The following SYNE1 variants were observed in gnomAD, a reference collection of about 807,000 sequenced individuals.
SYNE1 encodes the protein nesprin-1.
A neutral mutation model predicts 1,111.0 loss-of-function variants in SYNE1; 616 were observed. That is an observed-to-expected ratio of 0.55 (90% CI 0.52 to 0.59). The LOEUF (loss-of-function observed/expected upper bound fraction) is 0.59, where lower values mean the gene tolerates loss of function less well. Among genes scored for constraint, SYNE1 ranks in the 20% least tolerant of loss-of-function variants. SYNE1 has a pLI of 0.00. For missense variants in SYNE1, 10,006 were observed against 10,417.0 expected, an observed-to-expected ratio of 0.96 and a Z score of 1.72; for synonymous variants, 3,855 against 3,825.8, an observed-to-expected ratio of 1.01 and a Z score of -0.28.
chr6:152,303,039 T>G lies in SYNE1; in HGVS notation c.17347-976A>C, dbSNP rs143279549. Among the ~76,000 whole-genome samples, 423 of 152,062 alleles carry G rather than the reference T, an allele frequency of 2.8e-3. 2 individuals carry two copies. Among genetic ancestry groups the G allele is most frequent in the African/African-American group, 9.8e-3 (405 of 41,514 alleles). ...TATTAAAATTATACTTTATTGCATCTTTAAAAAACGAAAATACATATTTCA... is the reference window on the plus strand; with the variant it reads ...TATTAAAATTATACTTTATTGCATCGTTAAAAAACGAAAATACATATTTCA... On this transcript the variant is annotated intron_variant, in intron 91 of 145. Coordinates refer to ENST00000367255, the MANE Select transcript of SYNE1 (RefSeq NM_182961.4).
At chr6:152,242,516 G>A (rs957910636) in intron 106 of SYNE1, 76 bp from the exon 107 acceptor site, 13 of 1,547,176 alleles carry the variant, frequency 8.4e-6, no homozygotes, top group Admixed American at 3.4e-5. Flanking sequence ...AACTATGAAC[G>A]CACCAAGCCC....
chr6:152,376,360 A>T, intron 58 of SYNE1, 21 bp downstream of exon 58: 2 of 1,613,256 alleles, frequency 1.2e-6, no homozygotes, highest in Non-Finnish European at 1.7e-6. Flanking sequence ...TGCTACTAGA[A>T]TTAATTGATA....
intron 91 of SYNE1, among the ~76,000 whole-genome samples, chr6:152,305,318 T>C (rs1225595955): frequency 6.6e-6 from 1 of 152,164 alleles, no homozygotes; most frequent in Non-Finnish European, 1.5e-5. Flanking sequence ...CAGGCTGGAG[T>C]GCAGTGACAC....
chr6:152,633,553 C>G (rs1168092191), intron 2 of SYNE1, among the ~76,000 whole-genome samples: 1 of 152,068 alleles, frequency 6.6e-6, no homozygotes, highest in African/African-American at 2.4e-5. Flanking sequence ...CAATCAATAA[C>G]CATCTGCTGC....
intron 121 of SYNE1, among the ~76,000 whole-genome samples, 156 bp from the exon 122 acceptor site, chr6:152,215,216 A>C (rs1013279744): frequency 6.6e-6 from 1 of 152,226 alleles, no homozygotes; most frequent in African/African-American, 2.4e-5. Flanking sequence ...TCTAGGTACG[A>C]ATAGCGAAAA....
At chr6:152,334,726 C>A (rs6912991) in intron 76 of SYNE1, among the ~76,000 whole-genome samples, 14,156 of 152,304 alleles carry the variant, frequency 0.093, 811 homozygotes, top group Middle Eastern at 0.18. Context: ...AGTCCTGGAT[C>A]TGTCAAGTTC....
intron 12 of SYNE1, among the ~76,000 whole-genome samples, chr6:152,486,236 TA>T (rs545805458): frequency 1.3e-5 from 2 of 150,752 alleles, no homozygotes; most frequent in Non-Finnish European, 3.0e-5. Flanking sequence ...AAAATAAATT[TA>T]AAAAAAAACA....
chr6:152,417,572 C>T (rs1248841981), intron 40 of SYNE1, among the ~76,000 whole-genome samples: 4 of 152,026 alleles, frequency 2.6e-5, no homozygotes, highest in Non-Finnish European at 4.4e-5. Flanking sequence ...AAAAAAATTT[C>T]TTTGTGGATA....
At chr6:152,248,624 G>A (rs2088147092) in intron 105 of SYNE1, among the ~76,000 whole-genome samples, 1 of 152,066 alleles carries the variant, frequency 6.6e-6, no homozygotes, top group Admixed American at 6.6e-5. Flanking sequence ...CTTAAATTCA[G>A]CTAAAATAGA....
In SYNE1 at chr6:152,326,050, A is replaced by G; in HGVS notation, c.15346T>C (p.Leu5116=). 6.2e-7 allele frequency: 1 copy of G among 1,614,210 alleles called. No individual in the cohort carries two copies. Among genetic ancestry groups the G allele is most frequent in the South Asian group, 1.1e-5 (1 of 91,088 alleles). ...AATTTCTTTTCTGTATCATTCATCA[A>G]TTCAATAACCTCTTCCCTTGCTTTC... ...YQKAREEVIE[L]MNDTEKKLSE... is the part of the protein sequence containing the mutation. The change falls in exon 80 of 146, where the codon TTG becomes CTG. Residue 5116 remains leucine (L), a synonymous_variant. Coordinates refer to ENST00000367255, the MANE Select transcript of SYNE1 (RefSeq NM_182961.4).
Position 152,232,105 on chromosome 6 carries a change from A to AT in SYNE1, c.20862+10dup. 6.4e-7 allele frequency: 1 copy of AT among 1,558,264 alleles called. No individual in the cohort carries two copies. The highest frequency in any genetic ancestry group is 8.8e-7 in the Non-Finnish European group (1 of 1,133,010). ...AAATATGAAAAGTTAAAAACAAAAAATTTTAATTACCTTATATTTCTGAAG... is the reference window on the plus strand; with the variant it reads ...AAATATGAAAAGTTAAAAACAAAAAATTTTTAATTACCTTATATTTCTGAAG... On this transcript the variant is annotated intron_variant, in intron 113 of 145. Coordinates refer to ENST00000367255, the MANE Select transcript of SYNE1 (RefSeq NM_182961.4).
At chr6:152,413,561 A>T (rs2098104650) in intron 41 of SYNE1, 30 bp from the exon 42 acceptor site, 4 of 1,608,100 alleles carry the variant, frequency 2.5e-6, no homozygotes, top group Non-Finnish European at 3.4e-6. Flanking sequence ...TTTCCTATTA[A>T]TTTACTAAAG....
chr6:152,125,372 A>G (rs1281790034), intron 145 of SYNE1: 3 of 1,545,014 alleles, frequency 1.9e-6, no homozygotes, highest in Admixed American at 2.0e-5. Flanking sequence ...AAGGCCTCAC[A>G]GTATCCTGCA....
chr6:152,478,804 C>T (rs1045604041), intron 14 of SYNE1, among the ~76,000 whole-genome samples: 3 of 152,040 alleles, frequency 2.0e-5, no homozygotes, highest in South Asian at 2.1e-4. Context: ...TTAGTCATCG[C>T]GCCTGGGGGT....
intron 11 of SYNE1, among the ~76,000 whole-genome samples, chr6:152,497,597 C>T (rs2099006581): frequency 6.6e-6 from 1 of 152,130 alleles, no homozygotes; most frequent in Non-Finnish European, 1.5e-5. Flanking sequence ...TGAAGAGGAG[C>T]TATTTGTTAT....
intron 95 of SYNE1, among the ~76,000 whole-genome samples, chr6:152,289,799 T>C: frequency 6.6e-6 from 1 of 152,262 alleles, no homozygotes. Flanking sequence ...GCTAAGTTTT[T>C]GTATTTTTAG....
intron 128 of SYNE1, among the ~76,000 whole-genome samples, chr6:152,187,106 T>C (rs1003617728): frequency 1.3e-5 from 2 of 152,224 alleles, no homozygotes; most frequent in African/African-American, 4.8e-5. Flanking sequence ...AATGAAGCTT[T>C]GTGAAAGTAG....
In SYNE1 at chr6:152,387,080, C is replaced by T; in HGVS notation, c.8479G>A (p.Val2827Ile). The T allele has an allele frequency of 1.9e-6, 3 of 1,612,500 alleles. No homozygotes were observed. Among genetic ancestry groups the T allele is most frequent in the Non-Finnish European group, 2.5e-6 (3 of 1,178,810 alleles). Residue 2827 changes from valine to isoleucine, a missense_variant, in exon 54 of 146, where the codon GTT (valine) becomes ATT (isoleucine). By Grantham distance (29) the Val-to-Ile change is conservative (BLOSUM62 3). Coordinates refer to ENST00000367255, the MANE Select transcript of SYNE1 (RefSeq NM_182961.4). ...LKTQFNDIMTVAKEKMRKVEE... is the reference protein window; with the variant it reads ...LKTQFNDIMTIAKEKMRKVEE... The stretch of plus-strand genomic sequence containing the variant: ...CAATATAAAGCACTAACCTTGGCAA[C>T]AGTCATTATATCATTAAACTGTGTT...
chr6:152,323,098 G>A (rs1175452084), intron 82 of SYNE1, among the ~76,000 whole-genome samples: 1 of 152,188 alleles, frequency 6.6e-6, no homozygotes, highest in African/African-American at 2.4e-5. Flanking sequence ...TCAAGGTGGT[G>A]TGAAGGAGCA....
Sources: allele counts gnomAD v4.1 joint callset (sites outside exome capture counted in the v4.1 genomes callset), GRCh38; gene constraint gnomAD v4.1.1; transcripts MANE v1.5; gene names NCBI Gene and HGNC (gene_info 2026-07-23, HGNC 2026-07-21).